The following LTBP2 variants were observed in gnomAD, a reference collection of about 807,000 sequenced individuals.
LTBP2 encodes latent-transforming growth factor beta-binding protein 2.
Under a neutral mutation model 210.6 loss-of-function variants are expected in LTBP2, and 103 were observed. That is an observed-to-expected ratio of 0.49 (90% CI 0.42 to 0.58). The LOEUF is 0.58. Among genes scored for constraint, LTBP2 ranks in the 20% least tolerant of loss-of-function variants. LTBP2 has a pLI of 0.00. For synonymous variants in LTBP2, 1,007 were observed against 1,015.0 expected, an observed-to-expected ratio of 0.99 and a Z score of 0.15; for missense variants, 2,313 against 2,494.5, an observed-to-expected ratio of 0.93 and a Z score of 1.55.
intron 1 of LTBP2, among the ~76,000 whole-genome samples, chr14:74,605,029 G>A (rs113571367): frequency 1.3e-5 from 2 of 152,204 alleles, no homozygotes; most frequent in African/African-American, 4.8e-5. Context: ...TGGCAGGCTG[G>A]GCCGGGCTCT....
chr14:74,591,166 TGCCGAG>T (rs1595296594), intron 2 of LTBP2, among the ~76,000 whole-genome samples: 1 of 152,124 alleles, frequency 6.6e-6, no homozygotes, highest in African/African-American at 2.4e-5. Context: ...TCAGACTGGG[TGCCGAG>T]GCCAGAAAGG....
chr14:74,572,340 A>AGAGAGAGT lies in LTBP2; in HGVS notation c.830+13513_830+13514insACTCTCTC, dbSNP rs139508440. On this transcript the variant is annotated intron_variant, in intron 3 of 35. Transcript: ENST00000261978. ...GTGTGTGTGAGAGAGAGAGAGAGAG[A>AGAGAGAGT]GTGTGTGTGTGTGCATGCGCCATGA... Among the ~76,000 whole-genome samples, 185 of 147,080 alleles carry AGAGAGAGT rather than the reference A, an allele frequency of 1.3e-3. 3 individuals carry two copies. The highest frequency in any genetic ancestry group is 4.5e-3 in the African/African-American group (180 of 39,934).
intron 25 of LTBP2, 79 bp from the exon 26 acceptor site, chr14:74,507,389 A>C: frequency 6.3e-7 from 1 of 1,580,684 alleles, no homozygotes; most frequent in Non-Finnish European, 8.7e-7. Context: ...ATGCCCCACA[A>C]CCTCTGGGGT....
At chr14:74,507,075 A>G (rs2087001486) in intron 26 of LTBP2, 104 bp downstream of exon 26, 25 of 1,594,322 alleles carry the variant, frequency 1.6e-5, no homozygotes, top group Admixed American at 3.3e-5. Flanking sequence ...AGCTACAATC[A>G]GCTGCAAAAA....
Position 74,612,127 on chromosome 14 carries a change from G to T in LTBP2, c.-183C>A. 6.7e-6 allele frequency: 4 copies of T among 598,854 alleles called. No individual in the cohort carries two copies. The highest frequency in any genetic ancestry group is 1.1e-5 in the Non-Finnish European group (4 of 370,340). 37.1% of individuals were successfully genotyped at this position (598,854 alleles called of 1,614,324 possible). A position where few individuals can be genotyped will look rare whatever the true frequency, so the allele number is the denominator to read the frequency against. ...GCGGAACGAGGGCTGCGCGCCCCGAGCCTCGAGTCCGCGCTCCTACTCCAG... is the reference window on the plus strand; with the variant it reads ...GCGGAACGAGGGCTGCGCGCCCCGATCCTCGAGTCCGCGCTCCTACTCCAG... On this transcript the variant is annotated 5_prime_UTR_variant, in exon 1 of 36. Coordinates refer to ENST00000261978, the MANE Select transcript of LTBP2 (RefSeq NM_000428.3).
intron 34 of LTBP2, chr14:74,501,893 T>C: frequency 2.1e-6 from 1 of 478,152 alleles, no homozygotes; most frequent in Non-Finnish European, 3.8e-6. Flanking sequence ...GGTCGAGGAG[T>C]GTGTTGCTAC....
chr14:74,564,733 A>G (rs1031256423), intron 3 of LTBP2, among the ~76,000 whole-genome samples: 2 of 151,966 alleles, frequency 1.3e-5, no homozygotes, highest in African/African-American at 4.8e-5. Flanking sequence ...TTCTGTGCCA[A>G]TAACGCCCAT....
At chr14:74,557,325 G>A (rs1452054614) in intron 3 of LTBP2, among the ~76,000 whole-genome samples, 2 of 152,154 alleles carry the variant, frequency 1.3e-5, no homozygotes, top group Non-Finnish European at 2.9e-5. Context: ...TGTATCAAAG[G>A]TTACAAACAT....
At position 74,505,036 on chromosome 14, in the gene LTBP2, G is replaced by C; in HGVS notation, c.4316C>G (p.Thr1439Ser). 1 of 1,614,204 alleles carries C rather than the reference G, an allele frequency of 6.2e-7. No individual in the cohort carries two copies. The highest frequency in any genetic ancestry group is 1.1e-5 in the South Asian group (1 of 91,090). ...GGCATCTCCCCAGCTAGCGCCCTGG[G>C]TGCAGCAGCATTCAGCCTGTGTGGT... ...RNTTQAECCC[T>S]QGASWGDACD... Residue 1439 changes from threonine (T) to serine (S), a missense_variant, in exon 29 of 36, where the codon ACC becomes AGC. Around this residue, in one of 3 missense-constraint regions of LTBP2, gnomAD observed 1,867 missense variants for 1,976.9 expected, o/e 0.94. Transcript: ENST00000261978.
At chr14:74,601,877 C>A (rs950463994) in intron 2 of LTBP2, among the ~76,000 whole-genome samples, 1 of 152,096 alleles carries the variant, frequency 6.6e-6, no homozygotes, top group Non-Finnish European at 1.5e-5. Flanking sequence ...CCGAGAAGGG[C>A]CTGGGGCTGG....
At chr14:74,602,044 G>A (rs1055720591) in intron 2 of LTBP2, among the ~76,000 whole-genome samples, 4 of 152,186 alleles carry the variant, frequency 2.6e-5, no homozygotes, top group Admixed American at 6.5e-5. Context: ...AAGATCCAAC[G>A]GGCTCCCTCA....
chr14:74,566,705 A>G (rs1225075092), intron 3 of LTBP2, among the ~76,000 whole-genome samples: 1 of 152,124 alleles, frequency 6.6e-6, no homozygotes, highest in African/African-American at 2.4e-5. Context: ...CATCATCAAC[A>G]TTCCCTGGTG....
At position 74,611,589 on chromosome 14, in the gene LTBP2, G is replaced by A. The variant is rs1302128895; in HGVS notation, c.356C>T (p.Ala119Val). 1 of 1,575,010 alleles carries A rather than the reference G, an allele frequency of 6.3e-7. No individual in the cohort carries two copies. Among genetic ancestry groups the A allele is most frequent in the East Asian group, 2.3e-5 (1 of 43,124 alleles). ...CAGGGGAGTGCTTCTCCGGGTCTGCGCAGGTGGCTGGACACGCCGCGACTG... is the reference window on the plus strand; with the variant it reads ...CAGGGGAGTGCTTCTCCGGGTCTGCACAGGTGGCTGGACACGCCGCGACTG... ...AQQSRRVQPP[A>V]QTRRSTPLGQ... is the part of the protein sequence containing the mutation. Residue 119 changes from alanine (A) to valine (V), a missense_variant, in exon 1 of 36, where the codon GCG (alanine) becomes GTG (valine). Physicochemically the swap from Ala to Val is moderately conservative, Grantham distance 64. Around this residue, in one of 3 missense-constraint regions of LTBP2, gnomAD observed 1,867 missense variants for 1,976.9 expected, o/e 0.94. Transcript: ENST00000261978.
At chr14:74,552,415 T>C in intron 5 of LTBP2, 22 bp from the exon 6 acceptor site, 1 of 1,597,856 alleles carries the variant, frequency 6.3e-7, no homozygotes, top group East Asian at 2.2e-5. Flanking sequence ...ACCCTCAAGG[T>C]AACCAGCGGT....
chr14:74,562,247 A>T (rs1196824951), intron 3 of LTBP2, among the ~76,000 whole-genome samples: 1 of 152,046 alleles, frequency 6.6e-6, no homozygotes, highest in Non-Finnish European at 1.5e-5. Context: ...AAGAAAAATA[A>T]CATAAGAAGT....
intron 8 of LTBP2, among the ~76,000 whole-genome samples, chr14:74,545,109 C>T (rs1276827939): frequency 6.6e-6 from 1 of 152,194 alleles, no homozygotes; most frequent in Non-Finnish European, 1.5e-5. Context: ...GAATTCCAGT[C>T]TAGCATCCTG....
At chr14:74,588,087 C>T (rs1396765829) in intron 2 of LTBP2, among the ~76,000 whole-genome samples, 1 of 152,244 alleles carries the variant, frequency 6.6e-6, no homozygotes, top group Non-Finnish European at 1.5e-5. Flanking sequence ...CCTCAAGACC[C>T]ACTTCCCCAT....
At chr14:74,596,553 C>T (rs1325772210) in intron 2 of LTBP2, among the ~76,000 whole-genome samples, 4 of 152,174 alleles carry the variant, frequency 2.6e-5, no homozygotes, top group Non-Finnish European at 5.9e-5. Flanking sequence ...GATGCCGCTG[C>T]AGGAAGTTTC....
Position 74,586,225 on chromosome 14 carries a change from G to T in LTBP2, c.566-107C>A. On this transcript the variant is annotated intron_variant, in intron 2 of 35. Transcript: ENST00000261978. This position sits in a 1 kb window ranked among gnomAD's most constrained non-coding sequence, Gnocchi z 4.6. ...CCCTCCTGAGTGCTGCAACCCTGTC[G>T]CTCAAGCAGGAAGCCACTCTCCTGG... The T allele has an allele frequency of 7.7e-7, 1 of 1,297,454 alleles. No homozygotes were observed. The highest frequency in any genetic ancestry group is 1.1e-6 in the Non-Finnish European group (1 of 946,360). The allele number at this position is 1,297,454 out of a possible 1,614,324, so 80.4% of individuals were successfully genotyped here.
Sources: gnomAD v4.1 joint callset for allele counts (sites outside exome capture counted in the v4.1 genomes callset) on GRCh38, gnomAD v4.1.1 for gene constraint, gnomAD v4.1.1 regional missense constraint, Gnocchi (gnomAD v3.1) non-coding constraint, MANE v1.5 for transcripts, NCBI Gene and HGNC (gene_info 2026-07-23, HGNC 2026-07-21) for gene names.